Variants in PRKCE observed in about 807,000 individuals in gnomAD.
The protein encoded by PRKCE is protein kinase C epsilon.
Under a neutral mutation model 85.4 loss-of-function variants are expected in PRKCE, and 16 were observed. The observed-to-expected ratio is 0.19, with a 90% confidence interval of 0.13 to 0.28. PRKCE has a LOEUF of 0.28. PRKCE is among the 10% of genes least tolerant of loss of function. PRKCE has a pLI of 1.00. For synonymous variants in PRKCE, 388 were observed against 371.5 expected, an observed-to-expected ratio of 1.04 and a Z score of -0.51; for missense variants, 573 against 975.2, an observed-to-expected ratio of 0.59 and a Z score of 5.49.
intron 1 of PRKCE, among the ~76,000 whole-genome samples, chr2:45,659,078 A>G (rs552548848): frequency 2.0e-5 from 3 of 152,218 alleles, no homozygotes; most frequent in Non-Finnish European, 4.4e-5. Context: ...TAAATTCCTA[A>G]TTCCAGCTCA....
chr2:46,163,606 G>A (rs868851358), intron 14 of PRKCE, among the ~76,000 whole-genome samples: 12 of 112,394 alleles, frequency 1.1e-4, no homozygotes, highest in African/African-American at 4.0e-4. Flanking sequence ...TGAGAGACAC[G>A]GGGAAGCTGA....
intron 1 of PRKCE, among the ~76,000 whole-genome samples, chr2:45,773,966 G>A (rs958361617): frequency 1.4e-4 from 22 of 152,222 alleles, no homozygotes; most frequent in African/African-American, 5.3e-4. Context: ...CTCTTGCTCG[G>A]TGCTGTCCGC....
intron 1 of PRKCE, among the ~76,000 whole-genome samples, chr2:45,661,245 TGATATCG>T (rs1675624130): frequency 6.7e-6 from 1 of 149,436 alleles, no homozygotes. Flanking sequence ...TGCAGTGGCA[TGATATCG>T]GATCACTGCA....
At chr2:46,058,512 G>T (rs1367065521) in intron 10 of PRKCE, among the ~76,000 whole-genome samples, 1 of 152,234 alleles carries the variant, frequency 6.6e-6, no homozygotes, top group Non-Finnish European at 1.5e-5. Context: ...GGAGAAACAG[G>T]CAGTGGAGAA....
intron 10 of PRKCE, among the ~76,000 whole-genome samples, chr2:46,042,023 T>C (rs1390934714): frequency 6.6e-6 from 1 of 152,252 alleles, no homozygotes; most frequent in Non-Finnish European, 1.5e-5. Context: ...GGTTTGATTG[T>C]GTTTCTCAAT....
intron 1 of PRKCE, among the ~76,000 whole-genome samples, chr2:45,789,557 T>C (rs936118269): frequency 3.3e-5 from 5 of 152,266 alleles, no homozygotes; most frequent in Admixed American, 1.3e-4. Flanking sequence ...TTGAGCCTAG[T>C]AGTTCAAAGC....
intron 1 of PRKCE, among the ~76,000 whole-genome samples, chr2:45,825,316 T>TG (rs887873185): frequency 1.1e-4 from 16 of 152,128 alleles, no homozygotes; most frequent in African/African-American, 3.9e-4. Context: ...GCCTGGGACT[T>TG]GGGGGGGCCC....
chr2:46,160,112 A>G (rs897736374), intron 14 of PRKCE: 1 of 240,934 alleles, frequency 4.2e-6, no homozygotes, highest in African/African-American at 2.4e-5. Flanking sequence ...TGTTTTCTAA[A>G]TGGGTCAGTT....
intron 11 of PRKCE, among the ~76,000 whole-genome samples, chr2:46,093,665 A>T (rs958039039): frequency 4.6e-5 from 7 of 151,762 alleles, no homozygotes; most frequent in Non-Finnish European, 7.4e-5. Flanking sequence ...AATTGCTGGG[A>T]TTACACAGGC....
intron 11 of PRKCE, among the ~76,000 whole-genome samples, chr2:46,117,525 A>C (rs542363294): frequency 9.2e-5 from 14 of 152,314 alleles, no homozygotes; most frequent in African/African-American, 3.4e-4. Flanking sequence ...CGGGCTCCCC[A>C]TGGTACCTTC....
intron 1 of PRKCE, among the ~76,000 whole-genome samples, chr2:45,788,976 A>G (rs1031913987): frequency 2.0e-5 from 3 of 152,226 alleles, no homozygotes; most frequent in African/African-American, 7.2e-5. Context: ...TTAAATCAGA[A>G]TCTTTGGAGA....
At chr2:46,175,960 A>G (rs1679379066) in intron 14 of PRKCE, among the ~76,000 whole-genome samples, 1 of 152,178 alleles carries the variant, frequency 6.6e-6, no homozygotes, top group Non-Finnish European at 1.5e-5. Flanking sequence ...TGCCCACCAG[A>G]ATCACTTATG....
chr2:46,092,145 T>C (rs1322973914), intron 11 of PRKCE, among the ~76,000 whole-genome samples: 1 of 152,218 alleles, frequency 6.6e-6, no homozygotes, highest in Non-Finnish European at 1.5e-5. Context: ...CTTGTCTCTT[T>C]CAAAAGGTAG....
At chr2:46,154,783 A>C (rs1574618729) in intron 13 of PRKCE, among the ~76,000 whole-genome samples, 6 of 138,610 alleles carry the variant, frequency 4.3e-5, no homozygotes, top group East Asian at 2.1e-4. Flanking sequence ...TTCCCTATCC[A>C]CCTTTATCCT....
chr2:45,842,503 G>A (rs1483253408), intron 1 of PRKCE, among the ~76,000 whole-genome samples: 1 of 152,154 alleles, frequency 6.6e-6, no homozygotes, highest in Admixed American at 6.5e-5. Context: ...TCTCAAGACA[G>A]GCTTGGCATT....
intron 2 of PRKCE, among the ~76,000 whole-genome samples, chr2:45,955,486 C>CT (rs1457579739): frequency 1.3e-5 from 2 of 152,222 alleles, no homozygotes; most frequent in Non-Finnish European, 2.9e-5. Context: ...TGTTTATAGT[C>CT]TCTTCTGCTC....
chr2:45,715,957 TAA>T (rs1680051940), intron 1 of PRKCE, among the ~76,000 whole-genome samples: 1 of 152,186 alleles, frequency 6.6e-6, no homozygotes, highest in Non-Finnish European at 1.5e-5. Flanking sequence ...GATGGAGGCC[TAA>T]AAGTCTCTGC....
In PRKCE at chr2:46,122,529, A is replaced by G. The variant is rs1673413034; in HGVS notation, c.1593-22564A>G. ...AGGCATGAGTCACTGCACCCAGCCC[A>G]CTTATAGGTCTCTTTAAAACTGACC... On this transcript the variant is annotated intron_variant, in intron 11 of 14. Coordinates refer to ENST00000306156, the MANE Select transcript of PRKCE (RefSeq NM_005400.3). Among the ~76,000 whole-genome samples, 6 of 152,154 alleles carry G rather than the reference A, an allele frequency of 3.9e-5. No individual in the cohort carries two copies. In the South Asian group the frequency reaches 1.2e-3, roughly 32 times the overall value.
intron 1 of PRKCE, among the ~76,000 whole-genome samples, chr2:45,657,950 C>A (rs181069339): frequency 6.6e-6 from 1 of 152,368 alleles, no homozygotes; most frequent in East Asian, 1.9e-4. Context: ...AGCAGGACCC[C>A]TGCTGCATCT....
Sources: allele counts gnomAD v4.1 joint callset (sites outside exome capture counted in the v4.1 genomes callset), GRCh38; gene constraint gnomAD v4.1.1; transcripts MANE v1.5; gene names NCBI Gene and HGNC (gene_info 2026-07-23, HGNC 2026-07-21).